The following EXOC6B variants were observed in gnomAD, a reference collection of about 807,000 sequenced individuals.
EXOC6B encodes exocyst complex component 6B, also known as SEC15 homolog B.
In EXOC6B, 54 loss-of-function variants were observed where a neutral mutation model predicts 113.5. The observed-to-expected ratio is 0.48, with a 90% confidence interval of 0.38 to 0.60. The LOEUF (loss-of-function observed/expected upper bound fraction) is 0.60, where lower values mean the gene tolerates loss of function less well. Among genes scored for constraint, EXOC6B ranks in the 20% least tolerant of loss-of-function variants. The pLI is 0.00. For synonymous variants in EXOC6B, 357 were observed against 339.0 expected, an observed-to-expected ratio of 1.05 and a Z score of -0.58; for missense variants, 797 against 977.5, an observed-to-expected ratio of 0.82 and a Z score of 2.46.
chr2:72,782,357 G>C lies in EXOC6B; in HGVS notation c.114-40888C>G, dbSNP rs148323874. Among the ~76,000 whole-genome samples the C allele has an allele frequency of 6.1e-3, 929 of 151,840 alleles. 9 individuals carry two copies. Among genetic ancestry groups the C allele is most frequent in the African/African-American group, 0.021 (853 of 41,408 alleles). ...TTCTGCATCTCATAATTTCTTTTTG[G>C]CTTAGATTTACCTTTTCTTTTTTAT... On this transcript the variant is annotated intron_variant, in intron 1 of 21. Coordinates refer to ENST00000272427, the MANE Select transcript of EXOC6B (RefSeq NM_015189.3).
chr2:72,212,144 G>A (rs1680235504), intron 20 of EXOC6B, among the ~76,000 whole-genome samples: 1 of 152,192 alleles, frequency 6.6e-6, no homozygotes, highest in Non-Finnish European at 1.5e-5. Context: ...GTCTGCCCTA[G>A]GCCTAGTTGG....
At chr2:72,300,264 T>C (rs1285274130) in intron 20 of EXOC6B, among the ~76,000 whole-genome samples, 1 of 152,210 alleles carries the variant, frequency 6.6e-6, no homozygotes, top group Admixed American at 6.5e-5. Context: ...GCAGTGGCCT[T>C]GCTGAGCTGT....
chr2:72,324,248 A>T (rs958386010), intron 20 of EXOC6B, among the ~76,000 whole-genome samples: 3 of 152,248 alleles, frequency 2.0e-5, no homozygotes, highest in African/African-American at 7.2e-5. Flanking sequence ...ATGAAAAATT[A>T]ACTCAAGGCT....
chr2:72,333,778 C>A (rs990001220), intron 20 of EXOC6B, among the ~76,000 whole-genome samples: 2 of 152,054 alleles, frequency 1.3e-5, no homozygotes, highest in Non-Finnish European at 2.9e-5. Flanking sequence ...TATAGACACA[C>A]AATTTTCTGT....
chr2:72,383,983 G>A (rs1183829619), intron 18 of EXOC6B, among the ~76,000 whole-genome samples: 2 of 151,920 alleles, frequency 1.3e-5, no homozygotes, highest in African/African-American at 4.8e-5. Context: ...AATAACAGAT[G>A]CTAGGGCCTG....
intron 1 of EXOC6B, among the ~76,000 whole-genome samples, chr2:72,783,984 G>T (rs1684226870): frequency 6.6e-6 from 1 of 152,158 alleles, no homozygotes; most frequent in African/African-American, 2.4e-5. Context: ...CAGGTCTTAT[G>T]TTTAATGTTT....
intron 2 of EXOC6B, among the ~76,000 whole-genome samples, chr2:72,739,043 C>A (rs1401785021): frequency 2.0e-5 from 3 of 152,144 alleles, no homozygotes; most frequent in Non-Finnish European, 4.4e-5. Flanking sequence ...ACATTTTAAT[C>A]AGCTTTATAC....
At chr2:72,623,451 C>T (rs907988126) in intron 6 of EXOC6B, among the ~76,000 whole-genome samples, 16 of 152,158 alleles carry the variant, frequency 1.1e-4, no homozygotes, top group African/African-American at 3.9e-4. Context: ...AGAAATAGAG[C>T]TTAGCATCTT....
intron 20 of EXOC6B, among the ~76,000 whole-genome samples, chr2:72,255,966 C>T (rs1470382227): frequency 2.6e-5 from 4 of 152,146 alleles, no homozygotes; most frequent in Non-Finnish European, 5.9e-5. Context: ...TCTGTGAATG[C>T]GAGCTTATTT....
At chr2:72,749,476 G>A (rs1681906544) in intron 1 of EXOC6B, among the ~76,000 whole-genome samples, 1 of 151,882 alleles carries the variant, frequency 6.6e-6, no homozygotes, top group South Asian at 2.1e-4. Context: ...AAAAGTAATT[G>A]CGGTTTTGCC....
At chr2:72,588,398 C>T (rs1174468849) in intron 6 of EXOC6B, among the ~76,000 whole-genome samples, 1 of 151,978 alleles carries the variant, frequency 6.6e-6, no homozygotes, top group African/African-American at 2.4e-5. Flanking sequence ...ACCTTAAGGA[C>T]ATTATGCTAA....
At chr2:72,392,191 T>C (rs1692427788) in intron 18 of EXOC6B, among the ~76,000 whole-genome samples, 1 of 152,212 alleles carries the variant, frequency 6.6e-6, no homozygotes, top group Non-Finnish European at 1.5e-5. Flanking sequence ...GATTTTCAGC[T>C]GGGCATGCAT....
rs772008057 is a variant in EXOC6B, at chr2:72,495,469, A to G, written c.1514T>C (p.Ile505Thr). ...PKVYNQIKEF[I>T]YACLKFSEDL... The stretch of plus-strand genomic sequence containing the variant: ...TTCTGAAAACTTCAGACAAGCGTAG[A>G]TAAATTCTTTAATTTGGTTGTAAAC... The change falls in exon 15 of 22, where the codon ATC becomes ACC. Residue 505 changes from isoleucine to threonine, a missense_variant. By Grantham distance (89) the Ile-to-Thr change is moderately conservative. Coordinates refer to ENST00000272427, the MANE Select transcript of EXOC6B (RefSeq NM_015189.3). The G allele has an allele frequency of 3.1e-6, 5 of 1,607,614 alleles. No homozygotes were observed. In the South Asian group the frequency reaches 5.6e-5, roughly 18 times the overall value.
intron 1 of EXOC6B, among the ~76,000 whole-genome samples, chr2:72,804,020 C>A (rs1532970): frequency 0.56 from 85,581 of 152,020 alleles, 29,428 homozygotes; most frequent in East Asian, 0.92. Flanking sequence ...CTGACAGGAG[C>A]TTCTGAGCTA....
Position 72,176,273 on chromosome 2 carries a change from C to G in EXOC6B, c.*3062G>C, listed in dbSNP as rs866392199. 7.7e-6 allele frequency: 1 copy of G among 130,512 alleles called. No homozygotes were observed. The highest frequency in any genetic ancestry group is 2.4e-4 in the South Asian group (1 of 4,142). 8.1% of individuals were successfully genotyped at this position (130,512 alleles called of 1,614,324 possible). ...TGAATGCAGGCAAAAAAAAAAAAAACAAAAAGGAAGAAGAAGAAGAAGAAG... is the reference window on the plus strand; with the variant it reads ...TGAATGCAGGCAAAAAAAAAAAAAAGAAAAAGGAAGAAGAAGAAGAAGAAG... On this transcript the variant is annotated 3_prime_UTR_variant, in exon 22 of 22. Transcript: ENST00000272427.
chr2:72,824,814 C>T (rs990871664), intron 1 of EXOC6B, among the ~76,000 whole-genome samples: 1 of 152,074 alleles, frequency 6.6e-6, no homozygotes. Flanking sequence ...TGAGTAGTTA[C>T]CAACAGTAAG....
At chr2:72,400,172 T>C (rs962019634) in intron 18 of EXOC6B, among the ~76,000 whole-genome samples, 3 of 152,034 alleles carry the variant, frequency 2.0e-5, no homozygotes, top group Non-Finnish European at 4.4e-5. Context: ...AACAAAAATA[T>C]ACACTGTAGA....
intron 20 of EXOC6B, among the ~76,000 whole-genome samples, chr2:72,267,268 C>T (rs1216926472): frequency 6.6e-6 from 1 of 152,172 alleles, no homozygotes; most frequent in South Asian, 2.1e-4. Context: ...TGCCTAATTG[C>T]CCTGGCCAGA....
intron 6 of EXOC6B, among the ~76,000 whole-genome samples, chr2:72,680,326 C>T (rs189545210): frequency 2.6e-5 from 4 of 152,290 alleles, no homozygotes; most frequent in African/African-American, 9.6e-5. Context: ...CTTCTCTTTA[C>T]CTATTTCCTA....
Sources: allele counts gnomAD v4.1 joint callset (sites outside exome capture counted in the v4.1 genomes callset), GRCh38; gene constraint gnomAD v4.1.1; transcripts MANE v1.5; gene names NCBI Gene and HGNC (gene_info 2026-07-23, HGNC 2026-07-21).